Variants in DYNC2I2 observed in about 807,000 individuals in gnomAD.
DYNC2I2 encodes cytoplasmic dynein 2 intermediate chain 2.
Under a neutral mutation model 52.0 loss-of-function variants are expected in DYNC2I2, and 39 were observed. That is an observed-to-expected ratio of 0.75 (90% CI 0.58 to 0.98). The LOEUF (loss-of-function observed/expected upper bound fraction) is 0.98, where lower values mean the gene tolerates loss of function less well. Ranked by LOEUF, DYNC2I2 falls within the 50% of genes least tolerant of loss-of-function variation. The pLI is 0.00. For synonymous variants in DYNC2I2, 359 were observed against 321.1 expected, an observed-to-expected ratio of 1.12 and a Z score of -1.26; for missense variants, 743 against 728.4, an observed-to-expected ratio of 1.02 and a Z score of -0.23.
chr9:128,634,392 G>A lies in DYNC2I2; in HGVS notation c.1215-9C>T, dbSNP rs1038091645. On this transcript the variant is annotated splice_polypyrimidine_tract_variant and intron_variant, in intron 7 of 8. Coordinates refer to ENST00000372715, the MANE Select transcript of DYNC2I2 (RefSeq NM_052844.4). ...CGCTCAGGAAGAGATTCCTAGACGG[G>A]ATGCAGGGGGCCAGGCAAGGGAATC... 8.9e-6 allele frequency: 14 copies of A among 1,567,222 alleles called. No homozygotes were observed. In the African/African-American group the frequency reaches 1.5e-4, roughly 17 times the overall value.
At chr9:128,668,777 G>A in the DYNC2I2 span, among the ~76,000 whole-genome samples, 1 of 149,692 alleles carries the variant, frequency 6.7e-6, no homozygotes, top group Non-Finnish European at 1.5e-5. Flanking sequence ...CTGAGATCAT[G>A]CCACTGCACC....
intron 1 of DYNC2I2, among the ~76,000 whole-genome samples, chr9:128,645,140 CAGG>C (rs1165189788): frequency 6.6e-6 from 1 of 151,332 alleles, no homozygotes; most frequent in Non-Finnish European, 1.5e-5. Flanking sequence ...CACCTGAGCT[CAGG>C]AGTTCAAGAC....
chr9:128,640,908 G>A lies in DYNC2I2; in HGVS notation c.218C>T (p.Ala73Val), dbSNP rs769830006. Residue 73 changes from alanine to valine, a missense_variant, in exon 2 of 9, where the codon GCC becomes GTC. Ala to Val is a moderately conservative substitution (Grantham distance 64, BLOSUM62 0). Coordinates refer to ENST00000372715, the MANE Select transcript of DYNC2I2 (RefSeq NM_052844.4). ...ATTCCTGGCCTGGGCGGATGCACTGGCAGTGGCAATGCTGGCCGTCTGGCA... is the reference window on the plus strand; with the variant it reads ...ATTCCTGGCCTGGGCGGATGCACTGACAGTGGCAATGCTGGCCGTCTGGCA... ...KSCQTASIAT[A>V]SASAQARNHV... 1.4e-5 allele frequency: 22 copies of A among 1,603,502 alleles called. No individual in the cohort carries two copies. Among genetic ancestry groups the A allele is most frequent in the Non-Finnish European group, 1.8e-5 (21 of 1,173,338 alleles).
chr9:128,634,044 G>A (rs1589426946), intron 8 of DYNC2I2, 62 bp from the exon 9 acceptor site: 1 of 1,588,054 alleles, frequency 6.3e-7, no homozygotes, highest in Non-Finnish European at 8.6e-7. Flanking sequence ...CATGGCAGGA[G>A]GAGGCTAATG....
Position 128,656,703 on chromosome 9 carries a change from C to A in DYNC2I2, c.24G>T (p.Gly8=). 1.4e-6 allele frequency: 2 copies of A among 1,453,786 alleles called. No individual in the cohort carries two copies. The allele number at this position is 1,453,786 out of a possible 1,614,324, so 90.1% of individuals were successfully genotyped here. ...CAGCGCTTCCCGCCTGGCTGAGTGG[C>A]CCCGGCTGCGCGCGGGTTGCCATGG... MATRAQP[G]PLSQAGSAGV... Residue 8 remains glycine, a synonymous_variant, in exon 1 of 9, where the codon GGG becomes GGT. Coordinates refer to ENST00000372715, the MANE Select transcript of DYNC2I2 (RefSeq NM_052844.4).
chr9:128,645,791 CAACA>C (rs1365909228), intron 1 of DYNC2I2, among the ~76,000 whole-genome samples: 2 of 152,072 alleles, frequency 1.3e-5, no homozygotes, highest in Non-Finnish European at 2.9e-5. Flanking sequence ...AGGCCTCTTG[CAACA>C]AACAGCCAAG....
chr9:128,635,684 C>A lies in DYNC2I2; in HGVS notation c.787G>T (p.Asp263Tyr). ...TGGGACACAGGGTCTGTGTGGGTGTCATCCGTCAGGCCTGTGCGCCACAGC... is the reference window on the plus strand; with the variant it reads ...TGGGACACAGGGTCTGTGTGGGTGTAATCCGTCAGGCCTGTGCGCCACAGC... ...PLLWRTGLTDDTHTDPVSQVV... is the reference protein window; with the variant it reads ...PLLWRTGLTDYTHTDPVSQVV... Residue 263 changes from aspartate (D) to tyrosine (Y), a missense_variant, in exon 5 of 9, where the codon GAC becomes TAC. Coordinates refer to ENST00000372715, the MANE Select transcript of DYNC2I2 (RefSeq NM_052844.4). The A allele has an allele frequency of 6.2e-7, 1 of 1,610,766 alleles. No homozygotes were observed. Among genetic ancestry groups the A allele is most frequent in the Non-Finnish European group, 8.5e-7 (1 of 1,178,662 alleles).
the DYNC2I2 span, among the ~76,000 whole-genome samples, chr9:128,664,491 CTT>C: frequency 6.9e-6 from 1 of 144,022 alleles, no homozygotes. Flanking sequence ...TTTCATTTTT[CTT>C]TTTTTTTTTT....
chr9:128,669,507 G>T, the DYNC2I2 span, among the ~76,000 whole-genome samples: 3 of 152,164 alleles, frequency 2.0e-5, no homozygotes, highest in Non-Finnish European at 4.4e-5. Flanking sequence ...AGACCAGCAT[G>T]AGCAACATGG....
At chr9:128,637,964 C>G (rs1407907179) in intron 2 of DYNC2I2, among the ~76,000 whole-genome samples, 1 of 152,064 alleles carries the variant, frequency 6.6e-6, no homozygotes, top group Non-Finnish European at 1.5e-5. Context: ...GGGCCGGGCA[C>G]GATGGCTCAC....
At chr9:128,682,527 A>G in the DYNC2I2 span, among the ~76,000 whole-genome samples, 1 of 151,926 alleles carries the variant, frequency 6.6e-6, no homozygotes, top group Non-Finnish European at 1.5e-5. Context: ...AAATACAAAA[A>G]ATTAGCCAGG....
chr9:128,672,672 T>C, the DYNC2I2 span, among the ~76,000 whole-genome samples: 1 of 151,344 alleles, frequency 6.6e-6, no homozygotes, highest in Admixed American at 6.6e-5. Context: ...TTCAATGAAA[T>C]GTACTGAAAT....
At chr9:128,658,137 A>T (rs1860870419), upstream of DYNC2I2, among the ~76,000 whole-genome samples, 1 of 151,932 alleles carries the variant, frequency 6.6e-6, no homozygotes. Flanking sequence ...AAAAAATTCT[A>T]AAAAATGATC....
chr9:128,645,742 G>C (rs986405390), intron 1 of DYNC2I2, among the ~76,000 whole-genome samples: 7 of 151,942 alleles, frequency 4.6e-5, no homozygotes, highest in Non-Finnish European at 7.4e-5. Flanking sequence ...ATTAAGCTTA[G>C]TGAGGAGGGC....
the DYNC2I2 span, among the ~76,000 whole-genome samples, chr9:128,678,620 C>T: frequency 6.6e-6 from 1 of 150,914 alleles, no homozygotes; most frequent in Non-Finnish European, 1.5e-5. Flanking sequence ...CACCACCACG[C>T]CCGCTTAATT....
the DYNC2I2 span, among the ~76,000 whole-genome samples, chr9:128,666,383 G>GAAA: frequency 2.1e-5 from 1 of 46,718 alleles, no homozygotes; most frequent in African/African-American, 6.6e-5. Flanking sequence ...CCCTGTCTCA[G>GAAA]AAAAAAAAAA....
At chr9:128,665,029 CTG>C in the DYNC2I2 span, among the ~76,000 whole-genome samples, 2 of 150,780 alleles carry the variant, frequency 1.3e-5, no homozygotes, top group African/African-American at 2.4e-5. Context: ...AAAATTATAA[CTG>C]TGAATTTTTT....
chr9:128,654,703 A>G (rs1485599144), intron 1 of DYNC2I2, among the ~76,000 whole-genome samples: 1 of 152,150 alleles, frequency 6.6e-6, no homozygotes, highest in East Asian at 1.9e-4. Flanking sequence ...AAATACAGGC[A>G]CAATGCCAGG....
the DYNC2I2 span, among the ~76,000 whole-genome samples, chr9:128,671,169 A>G: frequency 2.0e-5 from 3 of 151,684 alleles, no homozygotes; most frequent in East Asian, 5.8e-4. Flanking sequence ...GGGCACAGTG[A>G]TGAGCACCTG....
Sources: gnomAD v4.1 joint callset for allele counts (sites outside exome capture counted in the v4.1 genomes callset) on GRCh38, gnomAD v4.1.1 for gene constraint, MANE v1.5 for transcripts, NCBI Gene and HGNC (gene_info 2026-07-23, HGNC 2026-07-21) for gene names.